The following IPO5 variants were observed in gnomAD, a reference collection of about 807,000 sequenced individuals.
The protein encoded by IPO5 is importin 5.
Under a neutral mutation model 143.3 loss-of-function variants are expected in IPO5, and 18 were observed. The observed-to-expected ratio is 0.13, with a 90% confidence interval of 0.09 to 0.19. The LOEUF is 0.19. Among genes scored for constraint, IPO5 ranks in the 10% least tolerant of loss-of-function variants. IPO5 has a pLI of 1.00. For missense variants in IPO5, 1,013 were observed against 1,336.9 expected, an observed-to-expected ratio of 0.76 and a Z score of 3.78; for synonymous variants, 477 against 465.7, an observed-to-expected ratio of 1.02 and a Z score of -0.31.
chr13:97,988,923 G>T (rs1594074650), intron 6 of IPO5, 139 bp from the exon 7 acceptor site: 74 of 413,914 alleles, frequency 1.8e-4, no homozygotes, highest in Non-Finnish European at 2.3e-4. Context: ...ACAGAATTTT[G>T]TGGAGTTTTT....
chr13:97,957,910 A>G (rs1022165247), intron 2 of IPO5, among the ~76,000 whole-genome samples: 1 of 151,994 alleles, frequency 6.6e-6, no homozygotes, highest in African/African-American at 2.4e-5. Flanking sequence ...GCTTGAACCC[A>G]TGAGGTGGAG....
At chr13:97,964,671 G>T (rs1203018365) in intron 2 of IPO5, among the ~76,000 whole-genome samples, 1 of 151,588 alleles carries the variant, frequency 6.6e-6, no homozygotes, top group Non-Finnish European at 1.5e-5. Context: ...GGATGGTCTC[G>T]ATCTCCTGAC....
chr13:97,981,574 A>C (rs1187588959), intron 4 of IPO5, among the ~76,000 whole-genome samples: 1 of 152,246 alleles, frequency 6.6e-6, no homozygotes, highest in Non-Finnish European at 1.5e-5. Flanking sequence ...CAATGAGAGC[A>C]GGTAAGCTCT....
In IPO5 at chr13:97,953,679, T is replaced by A. The variant is rs1449293674; in HGVS notation, c.-230T>A. The A allele has an allele frequency of 4.2e-6, 1 of 235,904 alleles. No homozygotes were observed. The highest frequency in any genetic ancestry group is 8.6e-6 in the Non-Finnish European group (1 of 116,170). The allele number at this position is 235,904 out of a possible 1,614,324, so 14.6% of individuals were successfully genotyped here. On this transcript the variant is annotated 5_prime_UTR_variant, in exon 1 of 29. Coordinates refer to ENST00000651721, the MANE Select transcript of IPO5 (RefSeq NM_002271.6). The stretch of plus-strand genomic sequence containing the variant: ...GGTCAGAACTGTGGGATTGATGACC[T>A]CCCACAACTGGAGCAGCCGGGAACA...
intron 4 of IPO5, chr13:97,981,357 A>G (rs752092160): frequency 4.6e-6 from 2 of 432,632 alleles, no homozygotes; most frequent in Non-Finnish European, 9.1e-6. Context: ...GGTTGGCCTT[A>G]GAGGACCAGA....
intron 20 of IPO5, among the ~76,000 whole-genome samples, chr13:98,011,201 A>C (rs1466000526): frequency 6.6e-6 from 1 of 152,220 alleles, no homozygotes; most frequent in Non-Finnish European, 1.5e-5. Context: ...AGCAAATACA[A>C]ATAATAACAT....
Position 97,969,720 on chromosome 13 carries a change from C to A in IPO5, c.-112-3C>A. 2.4e-6 allele frequency: 3 copies of A among 1,270,708 alleles called. No individual in the cohort carries two copies. The highest frequency in any genetic ancestry group is 3.5e-6 in the Non-Finnish European group (3 of 868,202). 78.7% of individuals were successfully genotyped at this position (1,270,708 alleles called of 1,614,324 possible). On this transcript the variant is annotated splice_region_variant and splice_polypyrimidine_tract_variant and intron_variant, in intron 2 of 28. Transcript: ENST00000651721. ...GTCCACCATTCTGTTTCTGTCAAAT[C>A]AGCAGAGGAAAGAAATTCCTAAGGG...
rs751450912 is a variant in IPO5 at position 97,990,153 on chromosome 13, G to A, written c.495G>A (p.Gln165=). 1.7e-5 allele frequency: 28 copies of A among 1,612,502 alleles called. No homozygotes were observed. The East Asian group carries it at 2.7e-4, about 15-fold the overall frequency. ...FWNFPGIFGN[Q]QQHYLDVIKR... is the part of the protein sequence containing the mutation. ...ACTTTCCTGGAATTTTTGGGAACCA[G>A]CAACAACACTATTTAGATGTCATCA... Residue 165 remains glutamine, a synonymous_variant, in exon 8 of 29, where the codon CAG becomes CAA. Transcript: ENST00000651721.
chr13:98,005,211 T>TTC (rs1555309895), intron 16 of IPO5, among the ~76,000 whole-genome samples: 2 of 150,644 alleles, frequency 1.3e-5, no homozygotes, highest in African/African-American at 4.9e-5. Context: ...TTTTTTTTTT[T>TTC]CCCCAGACAG....
At chr13:97,976,586 C>T (rs938254141) in intron 3 of IPO5, 107 bp from the exon 4 acceptor site, 2 of 232,734 alleles carry the variant, frequency 8.6e-6, no homozygotes, top group Non-Finnish European at 1.6e-5. Flanking sequence ...AGCCCCGCGC[C>T]GCCGCTGGTG....
intron 17 of IPO5, among the ~76,000 whole-genome samples, chr13:98,007,105 T>G (rs928531651): frequency 3.9e-5 from 6 of 151,982 alleles, no homozygotes; most frequent in African/African-American, 1.2e-4. Context: ...TCTCCTGACC[T>G]CAAGCAGTCT....
At chr13:98,015,476 G>A (rs1890064444) in intron 22 of IPO5, 54 bp from the exon 23 acceptor site, 1 of 947,862 alleles carries the variant, frequency 1.1e-6, no homozygotes, top group Admixed American at 2.2e-5. Flanking sequence ...GTTTAACTTT[G>A]GACTCCAAAC....
intron 3 of IPO5, among the ~76,000 whole-genome samples, chr13:97,973,799 G>A (rs1886033101): frequency 6.6e-6 from 1 of 152,186 alleles, no homozygotes; most frequent in South Asian, 2.1e-4. Context: ...GCCGGGTGTG[G>A]TGGCGGAGGC....
chr13:97,976,674 CCTT>C lies in IPO5; in HGVS notation c.-4-16_-4-14del, dbSNP rs1373729511. 11 of 1,286,486 alleles carry C rather than the reference CCTT, an allele frequency of 8.6e-6. No homozygotes were observed. Among genetic ancestry groups the C allele is most frequent in the East Asian group, 4.7e-5 (1 of 21,412 alleles). The allele number at this position is 1,286,486 out of a possible 1,614,324, so 79.7% of individuals were successfully genotyped here. Reference sequence around the variant, plus strand: ...CTCACGGCTCCTGTCTCCCCTCCCTCCTTCTCTCTCACGCCTAGCGCAATGGCG... The same window carrying C: ...CTCACGGCTCCTGTCTCCCCTCCCTCCTCTCTCACGCCTAGCGCAATGGCG... On this transcript the variant is annotated splice_polypyrimidine_tract_variant and intron_variant, in intron 3 of 28. Transcript: ENST00000651721.
chr13:97,995,452 T>C (rs1888191796), intron 11 of IPO5, among the ~76,000 whole-genome samples: 1 of 151,868 alleles, frequency 6.6e-6, no homozygotes, highest in Non-Finnish European at 1.5e-5. Flanking sequence ...ATTCCAACTC[T>C]AGACAGCTTA....
rs1253230622 is a variant in IPO5, at chr13:97,969,273, C to T, written c.-112-450C>T. 2.0e-5 allele frequency among the ~76,000 whole-genome samples: 3 copies of T among 149,742 alleles called. No individual in the cohort carries two copies. The East Asian group carries it at 6.0e-4, about 30-fold the overall frequency. On this transcript the variant is annotated intron_variant, in intron 2 of 28. Coordinates refer to ENST00000651721, the MANE Select transcript of IPO5 (RefSeq NM_002271.6). ...CTCAGCTCACCGCAAGCTCTGCCTC[C>T]CAGGTTCACACCATTCTCCTGCTTC...
rs1468826291 is a variant in IPO5, at chr13:98,023,644, G to A, written c.*1822G>A. The A allele has an allele frequency of 6.6e-6, 1 of 152,146 alleles. No individual in the cohort carries two copies. Among genetic ancestry groups the A allele is most frequent in the Non-Finnish European group, 1.5e-5 (1 of 68,040 alleles). 9.4% of individuals were successfully genotyped at this position (152,146 alleles called of 1,614,324 possible). A position where few individuals can be genotyped will look rare whatever the true frequency, so the allele number is the denominator to read the frequency against. On this transcript the variant is annotated 3_prime_UTR_variant, in exon 29 of 29. Coordinates refer to ENST00000651721, the MANE Select transcript of IPO5 (RefSeq NM_002271.6). ...GGGAGCAAGAACCTCCTACCTTCCA[G>A]TTTAAACACTAGTGGTATTGTCAGA... is the stretch of plus-strand genomic sequence containing the variant.
intron 16 of IPO5, among the ~76,000 whole-genome samples, chr13:98,005,567 AT>A (rs1023592161): frequency 6.6e-6 from 1 of 151,958 alleles, no homozygotes; most frequent in Non-Finnish European, 1.5e-5. Flanking sequence ...GTTAGTAAGC[AT>A]TTGTTACTAG....
intron 3 of IPO5, among the ~76,000 whole-genome samples, chr13:97,974,680 C>A (rs1479799899): frequency 3.4e-5 from 3 of 89,406 alleles, no homozygotes; most frequent in Non-Finnish European, 6.3e-5. Context: ...CCCCAACGAC[C>A]CACAAAAAAA....
Sources: allele counts gnomAD v4.1 joint callset (sites outside exome capture counted in the v4.1 genomes callset), GRCh38; gene constraint gnomAD v4.1.1; transcripts MANE v1.5; gene names NCBI Gene and HGNC (gene_info 2026-07-23, HGNC 2026-07-21).